Variants in SUN1 observed in about 807,000 individuals in gnomAD.
The protein encoded by SUN1 is Sad1 and UNC84 domain containing 1, also known as SUN domain-containing protein 1.
A neutral mutation model predicts 103.2 loss-of-function variants in SUN1; 61 were observed. That is an observed-to-expected ratio of 0.59 (90% CI 0.48 to 0.73). The LOEUF is 0.73. Among genes scored for constraint, SUN1 ranks in the 30% least tolerant of loss-of-function variants. The pLI, the probability that SUN1 is intolerant of heterozygous loss-of-function variation, is 0.00. For synonymous variants in SUN1, 490 were observed against 425.7 expected (o/e 1.15, Z -1.86); for missense variants, 1,052 against 1,034.6 (o/e 1.02, Z -0.23).
At chr7:847,282 G>A (rs12539185) in intron 5 of SUN1, among the ~76,000 whole-genome samples, 23,026 of 142,582 alleles carry the variant, frequency 0.16, 1,765 homozygotes, top group African/African-American at 0.19. Flanking sequence ...CCGCAGCGCC[G>A]TCTCCGGGAT....
chr7:861,995 C>A (rs1056247687), intron 15 of SUN1, among the ~76,000 whole-genome samples: 4 of 152,212 alleles, frequency 2.6e-5, no homozygotes, highest in Non-Finnish European at 5.9e-5. Context: ...TGAAAATCAG[C>A]ATCGCAGCTG....
rs757764937 is a variant in SUN1, at chr7:857,848, T to G, written c.1415T>G (p.Leu472Arg). The change falls in exon 13 of 19, where the codon CTG (leucine) becomes CGG (arginine). Residue 472 changes from leucine (L) to arginine (R), a missense_variant. Leu to Arg is a moderately radical substitution (Grantham distance 102). Coordinates refer to ENST00000401592, the MANE Select transcript of SUN1 (RefSeq NM_001130965.3). ...TCCAGTGCGGTTGGTGAGCAGCTCC[T>G]GCCCACAGTCGAGCACCTCCAGCTG... ...KTISAVGEQL[L>R]PTVEHLQLEL... 6 of 1,589,702 alleles carry G rather than the reference T, an allele frequency of 3.8e-6. No individual in the cohort carries two copies. The African/African-American group carries it at 6.7e-5, about 18-fold the overall frequency.
chr7:832,029 T>G (rs949601914), upstream of SUN1: 1 of 987,480 alleles, frequency 1.0e-6, no homozygotes, highest in African/African-American at 1.7e-5. Context: ...GTTTCTTTTC[T>G]GATTCTGAGA....
At chr7:843,903 G>A in intron 5 of SUN1, 1 of 1,192,642 alleles carries the variant, frequency 8.4e-7, no homozygotes, top group Non-Finnish European at 1.0e-6. Flanking sequence ...GTCCTGTGAA[G>A]AGTGGTTATG....
chr7:842,346 T>C, intron 3 of SUN1: 1 of 568,798 alleles, frequency 1.8e-6, no homozygotes, highest in Non-Finnish European at 3.1e-6. Flanking sequence ...GGACGCTCCT[T>C]GGAAGCTGCT....
Position 843,026 on chromosome 7 carries a change from T to C in SUN1, c.452-180T>C, listed in dbSNP as rs560679477. The stretch of plus-strand genomic sequence containing the variant: ...TTTCTTCAAGGATAAGCTTTCACCT[T>C]CAGTCAGAAGATGGTATCTGCATAT... On this transcript the variant is annotated intron_variant, in intron 3 of 18. Coordinates refer to ENST00000401592, the MANE Select transcript of SUN1 (RefSeq NM_001130965.3). 1.2e-4 allele frequency: 104 copies of C among 842,554 alleles called. No individual in the cohort carries two copies. The African/African-American group carries it at 1.6e-3, about 13-fold the overall frequency. 52.2% of individuals were successfully genotyped at this position (842,554 alleles called of 1,614,324 possible).
In SUN1 at chr7:842,037, G is replaced by C; in HGVS notation, c.358G>C (p.Gly120Arg). The C allele has an allele frequency of 6.2e-7, 1 of 1,614,170 alleles. No individual in the cohort carries two copies. The highest frequency in any genetic ancestry group is 8.5e-7 in the Non-Finnish European group (1 of 1,180,038). ...CACGTCCTCTGGCGTCAGCCACGGC[G>C]GCACTGTCAGCCTGCAGGATGCTGT... ...QVTSSGVSHG[G>R]TVSLQDAVTR... Residue 120 changes from glycine to arginine, a missense_variant, in exon 3 of 19, where the codon GGC becomes CGC. Physicochemically the swap from Gly to Arg is moderately radical, Grantham distance 125. Coordinates refer to ENST00000401592, the MANE Select transcript of SUN1 (RefSeq NM_001130965.3).
At chr7:816,637 C>G (rs1456674828) in exon 1 of SUN1, 2 of 337,226 alleles carry the variant, frequency 5.9e-6, no homozygotes, top group Non-Finnish European at 1.2e-5. Flanking sequence ...CGGGCCTGGG[C>G]GGCGCAGACG....
intron 2 of SUN1, 189 bp from the exon 3 acceptor site, chr7:841,757 T>TA: frequency 1.7e-6 from 1 of 603,572 alleles, no homozygotes; most frequent in Non-Finnish European, 2.8e-6. Flanking sequence ...TAGAGGGAGT[T>TA]CTTGGATCCC....
At chr7:839,975 C>T (rs1007477092) in intron 2 of SUN1, among the ~76,000 whole-genome samples, 5 of 152,168 alleles carry the variant, frequency 3.3e-5, no homozygotes, top group African/African-American at 4.8e-5. Flanking sequence ...CTCCACGTGC[C>T]CACTTCTGTG....
At chr7:861,652 G>A (rs1180708389) in intron 15 of SUN1, among the ~76,000 whole-genome samples, 188 bp downstream of exon 15, 1 of 152,186 alleles carries the variant, frequency 6.6e-6, no homozygotes, top group Non-Finnish European at 1.5e-5. Context: ...TGTTTGGGGG[G>A]CACAAGTTCT....
At position 851,396 on chromosome 7, in the gene SUN1, TGCAGATTCTGC is replaced by T. The variant is rs774843286; in HGVS notation, c.676_686del (p.Ile226AspfsTer99). ...CTTCCCTGCACAGGTTACTTCTTGC[TGCAGATTCTGC>T]GCAGGATCGGAGCTGTGGGCCAGGC... On this transcript the variant is annotated frameshift_variant, in exon 6 of 19. Transcript: ENST00000401592. LOFTEE classifies it high-confidence loss of function. 37 of 1,604,324 alleles carry T rather than the reference TGCAGATTCTGC, an allele frequency of 2.3e-5. No individual in the cohort carries two copies. Among genetic ancestry groups the T allele is most frequent in the Non-Finnish European group, 3.1e-5 (36 of 1,175,498 alleles).
chr7:816,343 T>C, upstream of SUN1: 2 of 185,504 alleles, frequency 1.1e-5, no homozygotes, highest in South Asian at 4.7e-5. Context: ...TGCAGGCCTT[T>C]CCCCCGAATG....
chr7:849,494 C>G, intron 5 of SUN1: 1 of 1,354,850 alleles, frequency 7.4e-7, no homozygotes, highest in Non-Finnish European at 9.9e-7. Flanking sequence ...GGTGAGTTCC[C>G]TAAGCCTCTT....
intron 1 of SUN1, among the ~76,000 whole-genome samples, chr7:818,950 G>A (rs1156250943): frequency 6.8e-6 from 1 of 146,474 alleles, no homozygotes; most frequent in Non-Finnish European, 1.5e-5. Context: ...CGCGACCTCC[G>A]CCTCCCGGGC....
intron 2 of SUN1, among the ~76,000 whole-genome samples, chr7:841,244 ATT>A (rs370665607): frequency 7.5e-5 from 9 of 120,078 alleles, no homozygotes; most frequent in African/African-American, 9.7e-5. Flanking sequence ...ATGACCACCT[ATT>A]TTTTTTTTTT....
upstream of SUN1, among the ~76,000 whole-genome samples, chr7:828,268 TTTTTG>T (rs202059220): frequency 2.7e-4 from 13 of 47,994 alleles, no homozygotes; most frequent in East Asian, 9.3e-4. Context: ...TTGTTTTTTG[TTTTTG>T]TTTTGTTTTG....
intron 13 of SUN1, among the ~76,000 whole-genome samples, chr7:859,017 G>A (rs891454415): frequency 6.6e-6 from 1 of 152,136 alleles, no homozygotes; most frequent in Admixed American, 6.5e-5. Context: ...GCCGGGTGTG[G>A]TGGTGGGTGC....
chr7:818,366 T>TA (rs1782843883), intron 1 of SUN1, among the ~76,000 whole-genome samples: 1 of 152,264 alleles, frequency 6.6e-6, no homozygotes, highest in African/African-American at 2.4e-5. Context: ...ACTGTATCAG[T>TA]ATTCCATTCC....
Sources: allele counts gnomAD v4.1 joint callset (sites outside exome capture counted in the v4.1 genomes callset), GRCh38; gene constraint gnomAD v4.1.1; transcripts MANE v1.5; gene names NCBI Gene and HGNC (gene_info 2026-07-23, HGNC 2026-07-21).